Variants in MYO6 observed in about 807,000 individuals in gnomAD.
MYO6 encodes the protein myosin VI, also known as unconventional myosin-VI.
Under a neutral mutation model 178.7 loss-of-function variants are expected in MYO6, and 74 were observed. The ratio of observed to expected loss-of-function variants is 0.41; its 90% CI spans 0.34 to 0.50. MYO6 has a LOEUF of 0.50. Ranked by LOEUF, MYO6 falls within the 20% of genes least tolerant of loss-of-function variation. The pLI is 0.09. For synonymous variants in MYO6, 477 were observed against 504.6 expected, an observed-to-expected ratio of 0.95 and a Z score of 0.73; for missense variants, 1,330 against 1,547.4, an observed-to-expected ratio of 0.86 and a Z score of 2.36.
At chr6:75,815,292 T>A (rs545809815) in intron 1 of MYO6, among the ~76,000 whole-genome samples, 1 of 151,934 alleles carries the variant, frequency 6.6e-6, no homozygotes, top group African/African-American at 2.4e-5. Context: ...TTTGAAGGAG[T>A]GCTGTTAGTG....
At chr6:75,763,990 A>G (rs1778175124) in intron 1 of MYO6, among the ~76,000 whole-genome samples, 1 of 152,186 alleles carries the variant, frequency 6.6e-6, no homozygotes, top group East Asian at 1.9e-4. Flanking sequence ...TCTGTAACTA[A>G]TTAATAGATC....
intron 1 of MYO6, among the ~76,000 whole-genome samples, chr6:75,757,141 TTA>T (rs1777491761): frequency 1.4e-5 from 2 of 147,968 alleles, no homozygotes; most frequent in Middle Eastern, 3.6e-3. Flanking sequence ...ACAAGAGTAC[TTA>T]TGTGTGTTGT....
chr6:75,757,836 C>T (rs144287092), intron 1 of MYO6, among the ~76,000 whole-genome samples: 1 of 152,032 alleles, frequency 6.6e-6, no homozygotes, highest in East Asian at 1.9e-4. Context: ...AAACACAGAT[C>T]ACACTGGCTA....
intron 19 of MYO6, among the ~76,000 whole-genome samples, chr6:75,872,187 C>G (rs545477813): frequency 6.6e-6 from 1 of 152,092 alleles, no homozygotes; most frequent in Non-Finnish European, 1.5e-5. Flanking sequence ...TTGTAGGGAG[C>G]TTCATTGTTG....
intron 30 of MYO6, among the ~76,000 whole-genome samples, chr6:75,904,760 G>A (rs562530435): frequency 5.9e-5 from 9 of 152,182 alleles, no homozygotes; most frequent in African/African-American, 9.7e-5. Context: ...GCTTTGTTCC[G>A]TGGCTGGTGA....
chr6:75,784,024 T>G (rs1344832378), intron 1 of MYO6, among the ~76,000 whole-genome samples: 1 of 152,078 alleles, frequency 6.6e-6, no homozygotes, highest in Non-Finnish European at 1.5e-5. Flanking sequence ...CAGGCTGGAG[T>G]GCGGTGGCGC....
chr6:75,818,604 T>C (rs1014452629), intron 2 of MYO6, among the ~76,000 whole-genome samples: 6 of 152,226 alleles, frequency 3.9e-5, no homozygotes, highest in African/African-American at 1.2e-4. Flanking sequence ...TAATTTATAT[T>C]CTATGATACA....
In MYO6 at chr6:75,915,118, A is replaced by G. The variant is rs1445719888; in HGVS notation, c.*106A>G. The G allele has an allele frequency of 7.3e-6, 8 of 1,098,724 alleles. No individual in the cohort carries two copies. The highest frequency in any genetic ancestry group is 1.1e-5 in the Non-Finnish European group (8 of 747,068). The allele number at this position is 1,098,724 out of a possible 1,614,324, so 68.1% of individuals were successfully genotyped here. ...ATAATCATGTTAGAGTTACTTCTAT[A>G]AAGTGAACAGATTTTATTAATCACG... On this transcript the variant is annotated 3_prime_UTR_variant, in exon 35 of 35. Coordinates refer to ENST00000369977, the MANE Select transcript of MYO6 (RefSeq NM_004999.4).
intron 4 of MYO6, among the ~76,000 whole-genome samples, chr6:75,829,437 AC>A (rs1583210736): frequency 6.6e-6 from 1 of 152,110 alleles, no homozygotes; most frequent in Admixed American, 6.6e-5. Context: ...TTTGACACTT[AC>A]TAGATCAAAT....
rs553949315 is a variant in MYO6 at position 75,758,504 on chromosome 6, A to G, written c.-48+9081A>G. ...GAGATGGAGTCTCGCTCTGTCACCC[A>G]GGCTGGAGTGCAGTGTTGCCATCTC... On this transcript the variant is annotated intron_variant, in intron 1 of 34. Coordinates refer to ENST00000369977, the MANE Select transcript of MYO6 (RefSeq NM_004999.4). 2.0e-5 allele frequency among the ~76,000 whole-genome samples: 3 copies of G among 152,280 alleles called. No homozygotes were observed. The South Asian group carries it at 6.2e-4, about 32-fold the overall frequency.
At chr6:75,866,665 C>T (rs1272910211) in intron 17 of MYO6, 44 bp downstream of exon 17, 1 of 1,460,984 alleles carries the variant, frequency 6.8e-7, no homozygotes, top group Non-Finnish European at 9.6e-7. Context: ...CATGTTGAAG[C>T]TGCACTGTAC....
At chr6:75,837,664 A>G (rs1773782003) in intron 7 of MYO6, among the ~76,000 whole-genome samples, 1 of 152,230 alleles carries the variant, frequency 6.6e-6, no homozygotes, top group Non-Finnish European at 1.5e-5. Flanking sequence ...ATCAATCTAA[A>G]TACAACTCTA....
intron 13 of MYO6, among the ~76,000 whole-genome samples, chr6:75,857,741 A>C (rs373216697): frequency 5.3e-5 from 8 of 152,230 alleles, no homozygotes; most frequent in Non-Finnish European, 1.2e-4. Context: ...TTTTCCATCA[A>C]ATTAATAAGA....
At chr6:75,865,521 G>A (rs1776588656) in intron 16 of MYO6, among the ~76,000 whole-genome samples, 2 of 151,528 alleles carry the variant, frequency 1.3e-5, no homozygotes, top group Admixed American at 6.6e-5. Flanking sequence ...GCTCCACCAT[G>A]CCTGGCTAAT....
intron 1 of MYO6, among the ~76,000 whole-genome samples, chr6:75,798,176 G>T (rs188573497): frequency 6.6e-6 from 1 of 152,116 alleles, no homozygotes. Context: ...GAAAGGTAGG[G>T]GTCCAGTTTC....
chr6:75,882,360 ATCTCT>A (rs2149349107), intron 23 of MYO6, among the ~76,000 whole-genome samples: 1 of 152,332 alleles, frequency 6.6e-6, no homozygotes, highest in East Asian at 1.9e-4. Flanking sequence ...TCTTAGAGAT[ATCTCT>A]CTAAACTAGA....
intron 30 of MYO6, among the ~76,000 whole-genome samples, chr6:75,905,922 A>G (rs968351258): frequency 6.6e-6 from 1 of 152,230 alleles, no homozygotes; most frequent in Non-Finnish European, 1.5e-5. Flanking sequence ...TGAAAGAATA[A>G]TTTCCTTTAC....
intron 1 of MYO6, among the ~76,000 whole-genome samples, chr6:75,796,903 C>T (rs777732729): frequency 2.2e-4 from 34 of 152,144 alleles, no homozygotes; most frequent in Non-Finnish European, 3.8e-4. Flanking sequence ...CATGTTGCTG[C>T]AAAGGGCATT....
chr6:75,778,677 A>G (rs1472838132), intron 1 of MYO6, among the ~76,000 whole-genome samples: 3 of 152,048 alleles, frequency 2.0e-5, no homozygotes, highest in African/African-American at 7.2e-5. Flanking sequence ...ACCAGAATAT[A>G]AGCTAATTAT....
Sources: gnomAD v4.1 joint callset for allele counts (sites outside exome capture counted in the v4.1 genomes callset) on GRCh38, gnomAD v4.1.1 for gene constraint, MANE v1.5 for transcripts, NCBI Gene and HGNC (gene_info 2026-07-23, HGNC 2026-07-21) for gene names.